The following PPDPFL variants were observed in gnomAD, a reference collection of about 807,000 sequenced individuals.
The protein encoded by PPDPFL is pancreatic progenitor cell differentiation and proliferation factor like, also known as pancreatic progenitor cell differentiation and proliferation factor-like protein.
PPDPFL carries 12 observed loss-of-function variants against 12.6 expected under a neutral mutation model. The observed-to-expected ratio is 0.95, with a 90% CI of 0.61 to 1.54. PPDPFL has a LOEUF of 1.54. Ranked by LOEUF, PPDPFL falls within the 40% of genes most tolerant of loss-of-function variation. The pLI is 0.00. For synonymous variants in PPDPFL, 24 were observed against 32.7 expected, an observed-to-expected ratio of 0.73 and a Z score of 0.91; for missense variants, 114 against 96.0, an observed-to-expected ratio of 1.19 and a Z score of -0.78.
intron 1 of PPDPFL, among the ~76,000 whole-genome samples, chr8:49,064,075 C>T (rs932337299): frequency 5.3e-5 from 8 of 152,150 alleles, no homozygotes; most frequent in African/African-American, 1.9e-4. Context: ...CCATAGAACA[C>T]ATGTTGCTCT....
chr8:49,068,442 T>C (rs1027911049), upstream of PPDPFL, among the ~76,000 whole-genome samples: 3 of 152,116 alleles, frequency 2.0e-5, no homozygotes, highest in Non-Finnish European at 4.4e-5. Context: ...AGAAATCTCC[T>C]GCTAAGAAAG....
At chr8:49,056,180 G>A (rs1386110550) in intron 1 of PPDPFL, among the ~76,000 whole-genome samples, 1 of 152,110 alleles carries the variant, frequency 6.6e-6, no homozygotes, top group East Asian at 1.9e-4. Context: ...ACTTCTCTGA[G>A]TACATTTTCT....
At chr8:49,064,261 C>G (rs529494224) in intron 1 of PPDPFL, among the ~76,000 whole-genome samples, 1 of 152,214 alleles carries the variant, frequency 6.6e-6, no homozygotes, top group African/African-American at 2.4e-5. Context: ...ACCAGTGGTA[C>G]AGAAAGTTCA....
At chr8:49,061,769 AGCTTAATTATGAGAAGCTCAGAGTCT>A (rs1238189582) in intron 1 of PPDPFL, among the ~76,000 whole-genome samples, 9 of 152,292 alleles carry the variant, frequency 5.9e-5, no homozygotes, top group Middle Eastern at 3.4e-3. Context: ...CTGAGGAGTG[AGCTTAATTATGAGAAGCTCAGAGTCT>A]GCTTAATTAT....
At chr8:49,057,825 A>C (rs1357829579) in intron 1 of PPDPFL, among the ~76,000 whole-genome samples, 1 of 152,168 alleles carries the variant, frequency 6.6e-6, no homozygotes, top group Non-Finnish European at 1.5e-5. Flanking sequence ...CTTACCTTTC[A>C]CAGATGTCTA....
chr8:49,060,598 C>T (rs950901949), intron 1 of PPDPFL, among the ~76,000 whole-genome samples: 5 of 152,070 alleles, frequency 3.3e-5, no homozygotes, highest in African/African-American at 1.2e-4. Flanking sequence ...CAGCTGTGAG[C>T]CACCGTGCCC....
At chr8:49,069,675 GC>G (rs1313807484), upstream of PPDPFL, among the ~76,000 whole-genome samples, 3 of 152,096 alleles carry the variant, frequency 2.0e-5, no homozygotes, top group African/African-American at 7.2e-5. Flanking sequence ...TCATAAAGAC[GC>G]CTGTAATCTC....
chr8:49,071,632 G>C (rs1274279748), upstream of PPDPFL, among the ~76,000 whole-genome samples: 1 of 152,018 alleles, frequency 6.6e-6, no homozygotes, highest in Admixed American at 6.5e-5. Context: ...CTCCAGCCTG[G>C]GCGACAGAGT....
chr8:49,067,491 G>T (rs538208277), upstream of PPDPFL, among the ~76,000 whole-genome samples: 1 of 152,340 alleles, frequency 6.6e-6, no homozygotes, highest in Admixed American at 6.5e-5. Context: ...AAGACAGTCA[G>T]ATATTGATCC....
chr8:49,059,063 G>A (rs1293177620), intron 1 of PPDPFL, among the ~76,000 whole-genome samples: 2 of 152,182 alleles, frequency 1.3e-5, no homozygotes, highest in Non-Finnish European at 2.9e-5. Flanking sequence ...CACATTCCCT[G>A]AGAACAGTGT....
chr8:49,073,335 A>G (rs950408739), intron 2 of PPDPFL, among the ~76,000 whole-genome samples: 13 of 152,336 alleles, frequency 8.5e-5, no homozygotes, highest in African/African-American at 2.2e-4. Context: ...TAATCTATCC[A>G]TCTGTTCATA....
intron 1 of PPDPFL, 22 bp from the exon 2 acceptor site, chr8:49,072,765 C>G (rs551966657): frequency 6.8e-5 from 87 of 1,271,384 alleles, no homozygotes; most frequent in Middle Eastern, 1.9e-4. Flanking sequence ...ATCAATGTCT[C>G]TTTTCTCTGT....
intron 2 of PPDPFL, among the ~76,000 whole-genome samples, chr8:49,073,328 T>A (rs538046876): frequency 2.7e-3 from 410 of 152,342 alleles, no homozygotes; most frequent in Non-Finnish European, 5.2e-3. Flanking sequence ...TTTTTATTAA[T>A]CTATCCATCT....
Position 49,074,048 on chromosome 8 carries a change from G to C in PPDPFL, c.56-11G>C. On this transcript the variant is annotated splice_polypyrimidine_tract_variant and intron_variant, in intron 2 of 4. Transcript: ENST00000522267. The stretch of plus-strand genomic sequence containing the variant: ...GTTATTTATTTGTTTAATATCATTT[G>C]TTTCCTACAGAGTCCAGTGTTTCTT... 6.3e-7 allele frequency: 1 copy of C among 1,590,572 alleles called. No homozygotes were observed. The highest frequency in any genetic ancestry group is 8.6e-7 in the Non-Finnish European group (1 of 1,161,182).
chr8:49,064,790 C>T (rs1229291518), intron 1 of PPDPFL, among the ~76,000 whole-genome samples: 1 of 152,124 alleles, frequency 6.6e-6, no homozygotes, highest in African/African-American at 2.4e-5. Flanking sequence ...AAGCAGCTTC[C>T]TCATATTGAG....
intron 1 of PPDPFL, among the ~76,000 whole-genome samples, chr8:49,063,460 C>G (rs890065759): frequency 3.9e-5 from 6 of 152,182 alleles, no homozygotes; most frequent in Non-Finnish European, 8.8e-5. Flanking sequence ...TGTCTCATGC[C>G]TGTAGTCCCA....
At position 49,074,039 on chromosome 8, in the gene PPDPFL, A is replaced by G. The variant is rs373243618; in HGVS notation, c.56-20A>G. The G allele has an allele frequency of 2.6e-6, 4 of 1,550,696 alleles. No individual in the cohort carries two copies. The African/African-American group carries it at 5.4e-5, about 21-fold the overall frequency. The stretch of plus-strand genomic sequence containing the variant: ...TGGTTGCCAGTTATTTATTTGTTTA[A>G]TATCATTTGTTTCCTACAGAGTCCA... On this transcript the variant is annotated intron_variant, in intron 2 of 4. Coordinates refer to ENST00000522267, the MANE Select transcript of PPDPFL (RefSeq NM_001256597.2).
rs953269982 is a variant in PPDPFL, at chr8:49,075,371, T to C, written c.*198T>C. On this transcript the variant is annotated 3_prime_UTR_variant, in exon 5 of 5. Coordinates refer to ENST00000522267, the MANE Select transcript of PPDPFL (RefSeq NM_001256597.2). ...AGACAGAAATGTGTCTGAGATCTCA[T>C]TTATGAGACAAGATCACAGCAGCCA... 34 of 1,110,786 alleles carry C rather than the reference T, an allele frequency of 3.1e-5. No individual in the cohort carries two copies. The highest frequency in any genetic ancestry group is 2.6e-4 in the Admixed American group (15 of 57,976). The allele number at this position is 1,110,786 out of a possible 1,614,324, so 68.8% of individuals were successfully genotyped here.
At chr8:49,066,827 G>A (rs1451048167) in intron 1 of PPDPFL, among the ~76,000 whole-genome samples, 1 of 152,060 alleles carries the variant, frequency 6.6e-6, no homozygotes, top group Non-Finnish European at 1.5e-5. Flanking sequence ...GTGTGGCTGT[G>A]GCAATTTTAG....
Sources: allele counts gnomAD v4.1 joint callset (sites outside exome capture counted in the v4.1 genomes callset), GRCh38; gene constraint gnomAD v4.1.1; transcripts MANE v1.5; gene names NCBI Gene and HGNC (gene_info 2026-07-23, HGNC 2026-07-21).